Variants in KCNT2 observed in about 807,000 individuals in gnomAD.
The protein encoded by KCNT2 is potassium sodium-activated channel subfamily T member 2, also known as potassium channel subfamily T member 2.
KCNT2 carries 67 observed loss-of-function variants against 153.8 expected under a neutral mutation model. That is an observed-to-expected ratio of 0.44 (90% CI 0.36 to 0.53). KCNT2 has a LOEUF of 0.53. KCNT2 is among the 20% of genes least tolerant of loss of function. The probability of loss-of-function intolerance (pLI) is 0.00; values close to 1 mark genes in which losing one functional copy is unlikely to be tolerated. For synonymous variants in KCNT2, 500 were observed against 458.8 expected (o/e 1.09, Z -1.15); for missense variants, 975 against 1,354.8 (o/e 0.72, Z 4.40).
chr1:196,503,059 T>C, intron 1 of KCNT2, among the ~76,000 whole-genome samples: 1 of 151,984 alleles, frequency 6.6e-6, no homozygotes, highest in East Asian at 1.9e-4. Context: ...ATTTTTATAC[T>C]ATTAAATGTG....
chr1:196,441,355 C>A (rs1675207431), intron 8 of KCNT2, among the ~76,000 whole-genome samples: 1 of 150,990 alleles, frequency 6.6e-6, no homozygotes, highest in Non-Finnish European at 1.5e-5. Context: ...GTATTCACTT[C>A]TTAAGTCTCA....
chr1:196,442,829 G>A (rs1020503070), intron 8 of KCNT2, among the ~76,000 whole-genome samples: 3 of 151,642 alleles, frequency 2.0e-5, no homozygotes, highest in East Asian at 1.9e-4. Context: ...AACAAGACAC[G>A]TGGAATATTT....
At chr1:196,509,646 G>A (rs929142743) in intron 1 of KCNT2, among the ~76,000 whole-genome samples, 1 of 152,184 alleles carries the variant, frequency 6.6e-6, no homozygotes, top group Non-Finnish European at 1.5e-5. Context: ...AGAGAAGACA[G>A]TATAGCAGTC....
intron 15 of KCNT2, 49 bp from the exon 16 acceptor site, chr1:196,340,619 T>C (rs1447055160): frequency 1.8e-6 from 2 of 1,119,388 alleles, no homozygotes; most frequent in African/African-American, 3.1e-5. Context: ...TAAATTATTG[T>C]AAGGCTGAGG....
intron 8 of KCNT2, among the ~76,000 whole-genome samples, chr1:196,439,374 T>C (rs2148581454): frequency 6.6e-6 from 1 of 152,048 alleles, no homozygotes; most frequent in South Asian, 2.1e-4. Flanking sequence ...TTACAACCAA[T>C]GTACAACAGA....
At chr1:196,522,355 T>G (rs1653552601) in intron 1 of KCNT2, among the ~76,000 whole-genome samples, 1 of 152,222 alleles carries the variant, frequency 6.6e-6, no homozygotes, top group African/African-American at 2.4e-5. Flanking sequence ...GTATTACTAC[T>G]AGAGGTACCA....
intron 1 of KCNT2, among the ~76,000 whole-genome samples, chr1:196,553,077 A>G (rs923451166): frequency 2.7e-4 from 41 of 151,374 alleles, no homozygotes; most frequent in Non-Finnish European, 4.4e-5. Flanking sequence ...ATCAATAATA[A>G]CAAAATGTAA....
At chr1:196,282,132 G>C (rs1659169740) in intron 24 of KCNT2, 141 bp downstream of exon 24, 1 of 475,610 alleles carries the variant, frequency 2.1e-6, no homozygotes, top group African/African-American at 2.0e-5. Context: ...AATTTTTAAA[G>C]GAATTTTAAA....
intron 26 of KCNT2, 123 bp downstream of exon 26, chr1:196,258,071 T>C: frequency 6.9e-7 from 1 of 1,446,488 alleles, no homozygotes; most frequent in Non-Finnish European, 9.1e-7. Context: ...GATGTATCAC[T>C]AGTTTCTACT....
At chr1:196,244,626 G>T (rs935874219) in intron 26 of KCNT2, among the ~76,000 whole-genome samples, 2 of 152,172 alleles carry the variant, frequency 1.3e-5, no homozygotes, top group African/African-American at 4.8e-5. Flanking sequence ...TATAGGAAGG[G>T]GAGGGAAGAG....
chr1:196,250,182 C>T (rs1038628112), intron 26 of KCNT2, among the ~76,000 whole-genome samples: 2 of 152,040 alleles, frequency 1.3e-5, no homozygotes, highest in African/African-American at 4.8e-5. Context: ...ATCACATTAC[C>T]TGACTTCATA....
At chr1:196,434,103 T>C (rs1280431950) in intron 8 of KCNT2, among the ~76,000 whole-genome samples, 2 of 152,044 alleles carry the variant, frequency 1.3e-5, no homozygotes, top group East Asian at 3.9e-4. Context: ...GTTTATTGGC[T>C]CAGCTGCCCC....
In KCNT2 at chr1:196,479,543, A is replaced by G. The variant is rs556763483; in HGVS notation, c.325-305T>C. On this transcript the variant is annotated intron_variant, in intron 4 of 27. Transcript: ENST00000294725. ...GCTGGCTGCAGTTTACATGATATATAAAGAACAGGCTCTTTTATGGGTGTG... is the reference window on the plus strand; with the variant it reads ...GCTGGCTGCAGTTTACATGATATATGAAGAACAGGCTCTTTTATGGGTGTG... Among the ~76,000 whole-genome samples the G allele has an allele frequency of 5.3e-5, 8 of 152,162 alleles. 1 individual carries two copies. The highest frequency in any genetic ancestry group is 1.0e-4 in the Non-Finnish European group (7 of 68,030).
At chr1:196,290,089 T>C (rs1333253805) in intron 22 of KCNT2, among the ~76,000 whole-genome samples, 3 of 147,360 alleles carry the variant, frequency 2.0e-5, no homozygotes. Context: ...GTGTGGGAGG[T>C]AAAAAAAAAA....
chr1:196,559,560 G>T (rs1460207701), intron 1 of KCNT2, among the ~76,000 whole-genome samples: 1 of 151,672 alleles, frequency 6.6e-6, no homozygotes, highest in Non-Finnish European at 1.5e-5. Context: ...GCAAAGGGTT[G>T]CACAAATTTA....
chr1:196,522,996 T>A (rs1359784002), intron 1 of KCNT2, among the ~76,000 whole-genome samples: 1 of 152,232 alleles, frequency 6.6e-6, no homozygotes, highest in Admixed American at 6.5e-5. Flanking sequence ...CCTTCCATGC[T>A]GTGAAAGTTT....
chr1:196,241,152 T>C (rs1487127328), intron 26 of KCNT2, among the ~76,000 whole-genome samples: 3 of 151,998 alleles, frequency 2.0e-5, no homozygotes, highest in Non-Finnish European at 4.4e-5. Flanking sequence ...AGAAAATAAG[T>C]AAAAGAAATA....
chr1:196,535,708 G>C (rs1558051133), intron 1 of KCNT2, among the ~76,000 whole-genome samples: 1 of 152,178 alleles, frequency 6.6e-6, no homozygotes, highest in Non-Finnish European at 1.5e-5. Context: ...TTTCATCACA[G>C]CTTTTTCTCT....
chr1:196,573,232 A>G (rs1660976052), intron 1 of KCNT2, among the ~76,000 whole-genome samples: 1 of 152,164 alleles, frequency 6.6e-6, no homozygotes, highest in East Asian at 1.9e-4. Flanking sequence ...GCATACTAAA[A>G]AAGAGAGAAT....
Sources: gnomAD v4.1 joint callset for allele counts (sites outside exome capture counted in the v4.1 genomes callset) on GRCh38, gnomAD v4.1.1 for gene constraint, MANE v1.5 for transcripts, NCBI Gene and HGNC (gene_info 2026-07-23, HGNC 2026-07-21) for gene names.